NRG3: variants seen among roughly 807,000 people sequenced by gnomAD.
The protein encoded by NRG3 is neuregulin 3.
Under a neutral mutation model 66.9 loss-of-function variants are expected in NRG3, and 31 were observed. The ratio of observed to expected loss-of-function variants is 0.46; its 90% confidence interval spans 0.35 to 0.63. The LOEUF is 0.63. Ranked by LOEUF, NRG3 falls within the 20% of genes least tolerant of loss-of-function variation. The pLI is 0.00. For synonymous variants in NRG3, 393 were observed against 359.4 expected, an observed-to-expected ratio of 1.09 and a Z score of -1.06; for missense variants, 910 against 878.9, an observed-to-expected ratio of 1.04 and a Z score of -0.45.
rs368416077 is a variant in NRG3, at chr10:82,902,288, A to T, written c.1054+36851A>T. On this transcript the variant is annotated intron_variant, in intron 4 of 8. Coordinates refer to ENST00000372141, the MANE Select transcript of NRG3 (RefSeq NM_001010848.4). ...ATGTTTGAAGATCATTTAAGCAGGA[A>T]AGTTCTGGGGAAGATTAAAAAGATT... 1.1e-3 allele frequency among the ~76,000 whole-genome samples: 164 copies of T among 152,306 alleles called. 2 individuals are homozygous for T. The highest frequency in any genetic ancestry group is 3.0e-3 in the African/African-American group (125 of 41,582).
chr10:82,716,538 A>G (rs892582313), intron 2 of NRG3, among the ~76,000 whole-genome samples: 44 of 152,288 alleles, frequency 2.9e-4, no homozygotes, highest in Non-Finnish European at 4.3e-4. Context: ...CCTGTTAAAA[A>G]GGGTGCAGAT....
At chr10:82,163,381 T>G (rs2071758164) in intron 1 of NRG3, among the ~76,000 whole-genome samples, 1 of 152,126 alleles carries the variant, frequency 6.6e-6, no homozygotes, top group Non-Finnish European at 1.5e-5. Context: ...AAAATATTTA[T>G]CAGTCATATA....
rs758118024 is a variant in NRG3, at chr10:81,875,778, C to T, written c.438C>T (p.Ala146=). The T allele has an allele frequency of 6.2e-7, 1 of 1,611,638 alleles. No homozygotes were observed. Among genetic ancestry groups the T allele is most frequent in the East Asian group, 2.2e-5 (1 of 44,848 alleles). The stretch of plus-strand genomic sequence containing the variant: ...CCACCCCCTCCGCCGGGGGTGCCGC[C>T]TCCTCCAGGACGCCCAACCGGATTA... ...SPATPSAGGA[A]SSRTPNRIST... The change falls in exon 1 of 9, where the codon GCC becomes GCT. Residue 146 remains alanine (A), a synonymous_variant. Coordinates refer to ENST00000372141, the MANE Select transcript of NRG3 (RefSeq NM_001010848.4). This position sits in a 1 kb window ranked among gnomAD's most constrained non-coding sequence, Gnocchi z 5.3.
intron 2 of NRG3, among the ~76,000 whole-genome samples, chr10:82,442,589 T>C (rs2090486459): frequency 6.6e-6 from 1 of 151,956 alleles, no homozygotes; most frequent in Non-Finnish European, 1.5e-5. Flanking sequence ...CAGAGAGGAA[T>C]TGGGAGATGG....
At chr10:82,053,981 G>A (rs951581492) in intron 1 of NRG3, among the ~76,000 whole-genome samples, 10 of 152,316 alleles carry the variant, frequency 6.6e-5, no homozygotes, top group Admixed American at 5.2e-4. Flanking sequence ...GGGAACAGCT[G>A]GTGGCTAACC....
chr10:82,457,567 C>G (rs1590199030), intron 2 of NRG3, among the ~76,000 whole-genome samples: 1 of 152,160 alleles, frequency 6.6e-6, no homozygotes, highest in African/African-American at 2.4e-5. Context: ...TAGACAATCT[C>G]TGTGTCTCCT....
intron 1 of NRG3, among the ~76,000 whole-genome samples, chr10:82,159,129 G>C (rs1281661286): frequency 1.3e-5 from 2 of 151,792 alleles, no homozygotes; most frequent in African/African-American, 4.8e-5. Context: ...TTCCATGAAG[G>C]CTGCAAGTTA....
chr10:81,974,420 T>A (rs567790470), intron 1 of NRG3, among the ~76,000 whole-genome samples: 2 of 152,182 alleles, frequency 1.3e-5, no homozygotes, highest in South Asian at 4.1e-4. Flanking sequence ...AGTAAGCCAA[T>A]CACTGAGACA....
At chr10:82,747,487 C>G (rs755796473) in intron 3 of NRG3, among the ~76,000 whole-genome samples, 21 of 152,036 alleles carry the variant, frequency 1.4e-4, no homozygotes, top group Non-Finnish European at 2.1e-4. Flanking sequence ...ATTGATTTTA[C>G]TTTTTTCTTT....
intron 1 of NRG3, among the ~76,000 whole-genome samples, chr10:82,312,361 C>G (rs1392471465): frequency 6.6e-6 from 1 of 152,104 alleles, no homozygotes; most frequent in Non-Finnish European, 1.5e-5. Flanking sequence ...AGTGTCCAAG[C>G]AAGCAGCAAA....
chr10:82,488,196 A>T (rs1842837253), intron 2 of NRG3, among the ~76,000 whole-genome samples: 1 of 152,226 alleles, frequency 6.6e-6, no homozygotes, highest in Non-Finnish European at 1.5e-5. Flanking sequence ...TCAACAAGTC[A>T]TCCTTGGAAA....
At chr10:82,256,024 A>G (rs917034511) in intron 1 of NRG3, among the ~76,000 whole-genome samples, 1 of 151,946 alleles carries the variant, frequency 6.6e-6, no homozygotes, top group African/African-American at 2.4e-5. Context: ...CCTGGGTTCA[A>G]GTGATTCTTC....
At chr10:82,796,414 G>A (rs888144200) in intron 3 of NRG3, among the ~76,000 whole-genome samples, 1 of 152,146 alleles carries the variant, frequency 6.6e-6, no homozygotes, top group East Asian at 1.9e-4. Context: ...GGACTCTGCA[G>A]CGAAGTCTGA....
chr10:82,598,286 G>A (rs779944519), intron 2 of NRG3, among the ~76,000 whole-genome samples: 1 of 152,112 alleles, frequency 6.6e-6, no homozygotes, highest in Non-Finnish European at 1.5e-5. Context: ...AGATGTCAAT[G>A]CCTGCAGATA....
chr10:82,948,620 G>A (rs1849242615), intron 4 of NRG3, among the ~76,000 whole-genome samples: 1 of 151,988 alleles, frequency 6.6e-6, no homozygotes, highest in South Asian at 2.1e-4. Context: ...CAATGTACAA[G>A]ACTTGTGTGC....
At chr10:82,925,409 A>G (rs183753304) in intron 4 of NRG3, among the ~76,000 whole-genome samples, 8 of 152,242 alleles carry the variant, frequency 5.3e-5, no homozygotes, top group African/African-American at 1.4e-4. Flanking sequence ...ACTGGGGTTA[A>G]TAATGGTCCC....
chr10:82,740,522 T>G (rs190999109), intron 3 of NRG3, among the ~76,000 whole-genome samples: 2 of 152,162 alleles, frequency 1.3e-5, no homozygotes, highest in Admixed American at 6.5e-5. Context: ...CAATGTCTAT[T>G]AAATTGCTAT....
chr10:82,491,156 T>C (rs896718079), intron 2 of NRG3, among the ~76,000 whole-genome samples: 5 of 151,586 alleles, frequency 3.3e-5, no homozygotes, highest in African/African-American at 1.2e-4. Flanking sequence ...GATATCAGCT[T>C]TAATAACTAC....
At chr10:81,956,068 T>G (rs1303916780) in intron 1 of NRG3, among the ~76,000 whole-genome samples, 1 of 152,216 alleles carries the variant, frequency 6.6e-6, no homozygotes, top group Non-Finnish European at 1.5e-5. Context: ...GTGCTTTTCT[T>G]ACAGTGTAAC....
Sources: allele counts gnomAD v4.1 joint callset (sites outside exome capture counted in the v4.1 genomes callset), GRCh38; gene constraint gnomAD v4.1.1; non-coding constraint Gnocchi (gnomAD v3.1); transcripts MANE v1.5; gene names NCBI Gene and HGNC (gene_info 2026-07-23, HGNC 2026-07-21).